DDX46: variants seen among roughly 807,000 people sequenced by gnomAD.
DDX46 encodes probable ATP-dependent RNA helicase DDX46.
Under a neutral mutation model 134.9 loss-of-function variants are expected in DDX46, and 30 were observed. That is an observed-to-expected ratio of 0.22 (90% CI 0.17 to 0.30). The LOEUF (loss-of-function observed/expected upper bound fraction) is 0.30. DDX46 is among the 10% of genes least tolerant of loss of function. The pLI, the probability that DDX46 is intolerant of heterozygous loss-of-function variation, is 1.00. For synonymous variants in DDX46, 415 were observed against 404.1 expected, an observed-to-expected ratio of 1.03 and a Z score of -0.32; for missense variants, 622 against 1,248.7, an observed-to-expected ratio of 0.50 and a Z score of 7.56.
intron 13 of DDX46, among the ~76,000 whole-genome samples, chr5:134,791,600 T>A (rs1754505633): frequency 1.3e-5 from 2 of 150,724 alleles, no homozygotes; most frequent in South Asian, 4.2e-4. Flanking sequence ...CTTAAGAAGA[T>A]CATTGTGAAT....
chr5:134,769,230 T>C (rs1318763436), intron 3 of DDX46, among the ~76,000 whole-genome samples: 6 of 152,066 alleles, frequency 3.9e-5, no homozygotes, highest in Non-Finnish European at 7.4e-5. Context: ...ATTGTTTGTA[T>C]GTAGTATGTT....
intron 20 of DDX46, among the ~76,000 whole-genome samples, chr5:134,817,945 T>C (rs1021504096): frequency 1.3e-5 from 2 of 150,538 alleles, no homozygotes; most frequent in African/African-American, 4.9e-5. Context: ...TCTTTGCTTG[T>C]TTGTTGTTTT....
chr5:134,822,097 T>G (rs181919413), intron 21 of DDX46, among the ~76,000 whole-genome samples: 23 of 152,172 alleles, frequency 1.5e-4, no homozygotes, highest in Non-Finnish European at 3.4e-4. Flanking sequence ...CAGGCTGTTC[T>G]TGAACTCCTG....
At chr5:134,760,206 C>A (rs1162300838) in intron 1 of DDX46, among the ~76,000 whole-genome samples, 1 of 152,166 alleles carries the variant, frequency 6.6e-6, no homozygotes, top group Non-Finnish European at 1.5e-5. Flanking sequence ...AATTTAAACT[C>A]TATGACAGCC....
At chr5:134,792,705 C>T (rs1184050197) in intron 13 of DDX46, among the ~76,000 whole-genome samples, 1 of 152,174 alleles carries the variant, frequency 6.6e-6, no homozygotes, top group African/African-American at 2.4e-5. Flanking sequence ...TAAATACATA[C>T]AGGTACATAA....
chr5:134,795,860 T>C, intron 14 of DDX46, 128 bp from the exon 15 acceptor site: 2 of 875,486 alleles, frequency 2.3e-6, no homozygotes, highest in Non-Finnish European at 3.4e-6. Flanking sequence ...AATCAACATC[T>C]TCCTAGCCCT....
intron 6 of DDX46, chr5:134,780,889 G>A (rs544228166): frequency 4.0e-6 from 1 of 251,778 alleles, no homozygotes; most frequent in Admixed American, 5.9e-5. Context: ...AATTAACTGG[G>A]TTTGGTGACA....
intron 1 of DDX46, among the ~76,000 whole-genome samples, chr5:134,760,066 G>A (rs1753330235): frequency 6.6e-6 from 1 of 152,170 alleles, no homozygotes; most frequent in African/African-American, 2.4e-5. Flanking sequence ...TGAATTGATT[G>A]TCTTCCTCTG....
At position 134,763,089 on chromosome 5, in the gene DDX46, A is replaced by G. The variant is rs547291987; in HGVS notation, c.18-815A>G. ...AAAAAAATAATAATAATAATTAGCTAAGTGTGGTGACGCATGCCTGAAGTT... is the reference window on the plus strand; with the variant it reads ...AAAAAAATAATAATAATAATTAGCTGAGTGTGGTGACGCATGCCTGAAGTT... On this transcript the variant is annotated intron_variant, in intron 1 of 22. Coordinates refer to ENST00000452510, the MANE Select transcript of DDX46 (RefSeq NM_001300860.2). Among the ~76,000 whole-genome samples, 3 of 151,978 alleles carry G rather than the reference A, an allele frequency of 2.0e-5. No individual in the cohort carries two copies. In the East Asian group the frequency reaches 5.8e-4, roughly 29 times the overall value.
intron 21 of DDX46, among the ~76,000 whole-genome samples, chr5:134,821,014 C>T (rs1276835883): frequency 1.3e-5 from 2 of 150,652 alleles, no homozygotes; most frequent in Non-Finnish European, 3.0e-5. Flanking sequence ...TACAGGTGCC[C>T]CCCCGCCACA....
chr5:134,812,059 C>CTTT lies in DDX46; in HGVS notation c.2436+234_2436+236dup, dbSNP rs767502728. Among the ~76,000 whole-genome samples, 188 of 99,034 alleles carry CTTT rather than the reference C, an allele frequency of 1.9e-3. 2 individuals are homozygous for CTTT. Among genetic ancestry groups the CTTT allele is most frequent in the African/African-American group, 2.4e-3 (65 of 26,982 alleles). 65.0% of individuals were successfully genotyped at this position (99,034 alleles called of 152,430 possible). On this transcript the variant is annotated intron_variant, in intron 18 of 22. Transcript: ENST00000452510. The stretch of plus-strand genomic sequence containing the variant: ...AGCACTTCAAAGGATGTGAAAAGTC[C>CTTT]TTTTTTTTTTTTTTTTTTTTTTGCG...
intron 8 of DDX46, 79 bp downstream of exon 8, chr5:134,782,165 A>G: frequency 1.5e-6 from 2 of 1,339,526 alleles, no homozygotes; most frequent in Non-Finnish European, 2.0e-6. Flanking sequence ...AGAAATGTGG[A>G]TAGTGTCTCA....
intron 21 of DDX46, among the ~76,000 whole-genome samples, chr5:134,821,711 C>T (rs1402481053): frequency 1.3e-5 from 2 of 151,240 alleles, no homozygotes; most frequent in Non-Finnish European, 2.9e-5. Flanking sequence ...CAAGCACCAC[C>T]ATGCCCAGCT....
intron 2 of DDX46, among the ~76,000 whole-genome samples, chr5:134,764,671 A>G (rs1753503310): frequency 1.3e-5 from 2 of 152,168 alleles, no homozygotes; most frequent in African/African-American, 4.8e-5. Context: ...GACATACAAA[A>G]TGAAGTAAAA....
At chr5:134,770,726 C>T (rs570376283) in intron 3 of DDX46, among the ~76,000 whole-genome samples, 177 bp from the exon 4 acceptor site, 12 of 151,634 alleles carry the variant, frequency 7.9e-5, no homozygotes, top group East Asian at 7.8e-4. Flanking sequence ...ACAGGAGAAT[C>T]GCTTGAACCC....
At position 134,825,047 on chromosome 5, in the gene DDX46, A is replaced by T. The variant is rs572308137; in HGVS notation, c.2978-1900A>T. ...TTTTTTCATAGCTGCTTATAAACAT[A>T]TGTAACCTATTACAAGAAGTTACAT... is the stretch of plus-strand genomic sequence containing the variant. On this transcript the variant is annotated intron_variant, in intron 21 of 22. Coordinates refer to ENST00000452510, the MANE Select transcript of DDX46 (RefSeq NM_001300860.2). 7.9e-5 allele frequency among the ~76,000 whole-genome samples: 12 copies of T among 152,336 alleles called. No individual in the cohort carries two copies. The East Asian group carries it at 2.1e-3, about 27-fold the overall frequency.
intron 14 of DDX46, 140 bp from the exon 15 acceptor site, chr5:134,795,848 A>T: frequency 2.5e-6 from 2 of 801,302 alleles, no homozygotes; most frequent in Non-Finnish European, 3.8e-6. Flanking sequence ...ATTTACAATT[A>T]AAATCAACAT....
At chr5:134,809,964 G>C (rs922562456) in intron 16 of DDX46, among the ~76,000 whole-genome samples, 1 of 152,164 alleles carries the variant, frequency 6.6e-6, no homozygotes, top group African/African-American at 2.4e-5. Context: ...GATGAACCAA[G>C]ATTGTGCCAT....
At chr5:134,766,043 G>A (rs1753557493) in intron 2 of DDX46, among the ~76,000 whole-genome samples, 1 of 152,104 alleles carries the variant, frequency 6.6e-6, no homozygotes, top group African/African-American at 2.4e-5. Context: ...CCAGAAAGTT[G>A]GAGATCTGAC....
Sources: allele counts gnomAD v4.1 joint callset (sites outside exome capture counted in the v4.1 genomes callset), GRCh38; gene constraint gnomAD v4.1.1; transcripts MANE v1.5; gene names NCBI Gene and HGNC (gene_info 2026-07-23, HGNC 2026-07-21).